PHLDB1: variants seen among roughly 807,000 people sequenced by gnomAD.
PHLDB1 encodes the protein pleckstrin homology-like domain family B member 1.
PHLDB1 carries 65 observed loss-of-function variants against 139.3 expected under a neutral mutation model. The ratio of observed to expected loss-of-function variants is 0.47; its 90% CI spans 0.38 to 0.57. The LOEUF is 0.57. PHLDB1 is among the 20% of genes least tolerant of loss of function. The pLI is 0.00. For synonymous variants in PHLDB1, 679 were observed against 734.5 expected, an observed-to-expected ratio of 0.92 and a Z score of 1.22; for missense variants, 1,624 against 1,839.7, an observed-to-expected ratio of 0.88 and a Z score of 2.14.
At chr11:118,637,011 C>G (rs549202519) in intron 10 of PHLDB1, 3 of 152,218 alleles carry the variant, frequency 2.0e-5, no homozygotes, top group Non-Finnish European at 4.4e-5. Flanking sequence ...CTTTCATCCT[C>G]AGACCCTAGT....
At chr11:118,617,914 G>A (rs577526488) in intron 4 of PHLDB1, among the ~76,000 whole-genome samples, 44 of 152,086 alleles carry the variant, frequency 2.9e-4, no homozygotes, top group African/African-American at 1.0e-3. Flanking sequence ...GGAGAGGCAG[G>A]GCAAAGTTCA....
intron 13 of PHLDB1, among the ~76,000 whole-genome samples, chr11:118,643,283 G>A (rs142673722): frequency 1.8e-3 from 279 of 152,348 alleles, no homozygotes; most frequent in African/African-American, 6.4e-3. Flanking sequence ...ACACAGCTAG[G>A]AAGTAGCAGA....
chr11:118,647,693 C>T (rs1043905856), intron 17 of PHLDB1: 43 of 413,564 alleles, frequency 1.0e-4, no homozygotes, highest in Non-Finnish European at 1.8e-4. Context: ...ATGATTTTAT[C>T]AGGATCACAG....
intron 12 of PHLDB1, 76 bp from the exon 13 acceptor site, chr11:118,642,178 T>G (rs1555121649): frequency 7.4e-7 from 1 of 1,358,284 alleles, no homozygotes; most frequent in South Asian, 1.2e-5. Context: ...TGCCTTTTCC[T>G]TTCCCTTTAT....
At position 118,627,557 on chromosome 11, in the gene PHLDB1, G is replaced by A. The variant is rs1555103280; in HGVS notation, c.734G>A (p.Gly245Asp). 10 of 1,614,008 alleles carry A rather than the reference G, an allele frequency of 6.2e-6. No homozygotes were observed. The highest frequency in any genetic ancestry group is 1.1e-5 in the South Asian group (1 of 91,046). The change falls in exon 6 of 23, where the codon GGC becomes GAC. Residue 245 changes from glycine (G) to aspartate (D), a missense_variant. Gly to Asp is a moderately conservative substitution (Grantham distance 94). Transcript: ENST00000600882. ...ACCAGCCCCGGCGCCATGTCTGTGG[G>A]CTCCAGCTATGAGAACACCTCTCCA... is the stretch of plus-strand genomic sequence containing the variant. ...PPTSPGAMSV[G>D]SSYENTSPAF...
intron 20 of PHLDB1, chr11:118,653,645 TA>T (rs1948638688): frequency 6.6e-6 from 1 of 152,234 alleles, no homozygotes; most frequent in Middle Eastern, 3.2e-3. Context: ...TGTGAGATTG[TA>T]GTTTCCTAAG....
At chr11:118,655,715 G>A (rs1555141324) in intron 21 of PHLDB1, 25 bp downstream of exon 21, 8 of 1,573,754 alleles carry the variant, frequency 5.1e-6, no homozygotes, top group Non-Finnish European at 7.0e-6. Context: ...GCACCAGAGG[G>A]GGGCCAGAGG....
intron 9 of PHLDB1, chr11:118,634,769 T>TC (rs1410334506): frequency 8.6e-6 from 2 of 232,796 alleles, no homozygotes; most frequent in African/African-American, 4.7e-5. Context: ...AGCCTTTTTT[T>TC]CTCCTCTCTC....
rs1940268793 is a variant in PHLDB1 at position 118,611,379 on chromosome 11, C to T, written c.-21-2437C>T. Reference sequence around the variant, plus strand: ...CTTATTCTCTTCTCTCCTCTAATCACTCTTGTTCTCCATCGGCCTTACTCC... The same window carrying T: ...CTTATTCTCTTCTCTCCTCTAATCATTCTTGTTCTCCATCGGCCTTACTCC... On this transcript the variant is annotated intron_variant, in intron 1 of 22. Transcript: ENST00000600882. This position sits in a 1 kb window ranked among gnomAD's most constrained non-coding sequence, Gnocchi z 4.7. 6.6e-6 allele frequency among the ~76,000 whole-genome samples: 1 copy of T among 152,232 alleles called. No individual in the cohort carries two copies. Among genetic ancestry groups the T allele is most frequent in the African/African-American group, 2.4e-5 (1 of 41,468 alleles).
rs782304860 is a variant in PHLDB1 at position 118,631,995 on chromosome 11, A to G, written c.2183A>G (p.Glu728Gly). Residue 728 changes from glutamate (E) to glycine (G), a missense_variant, in exon 8 of 23, where the codon GAG (glutamate) becomes GGG (glycine). Glu to Gly is a moderately conservative substitution (Grantham distance 98). Transcript: ENST00000600882. ...CGGGCTCAGGTGCTGGGGCACGTGG[A>G]GCAGCTCAAGGTCCGTGTGAAGGAG... is the stretch of plus-strand genomic sequence containing the variant. ...EERAQVLGHV[E>G]QLKVRVKELE... 11 of 1,614,008 alleles carry G rather than the reference A, an allele frequency of 6.8e-6. No homozygotes were observed. In the East Asian group the frequency reaches 2.2e-4, roughly 33 times the overall value.
chr11:118,631,156 C>A, intron 6 of PHLDB1, 51 bp from the exon 7 acceptor site: 1 of 1,369,996 alleles, frequency 7.3e-7, no homozygotes, highest in African/African-American at 1.5e-5. Context: ...TCTATCCCCA[C>A]CAGGGCTCAG....
intron 22 of PHLDB1, among the ~76,000 whole-genome samples, chr11:118,656,373 C>T (rs562489345): frequency 1.3e-5 from 2 of 152,134 alleles, no homozygotes; most frequent in African/African-American, 2.4e-5. Flanking sequence ...ACTGGAAAAG[C>T]CTTTGTGTTT....
At position 118,608,539 on chromosome 11, in the gene PHLDB1, C is replaced by T. The variant is rs1555080791; in HGVS notation, c.-22+840C>T. Reference sequence around the variant, plus strand: ...GGACTTGGCCGGGCGACCGCACAGCCCTGCCGGGGACCCACGGCTCTGGGG... The same window carrying T: ...GGACTTGGCCGGGCGACCGCACAGCTCTGCCGGGGACCCACGGCTCTGGGG... On this transcript the variant is annotated intron_variant, in intron 1 of 22. Coordinates refer to ENST00000600882, the MANE Select transcript of PHLDB1 (RefSeq NM_001144758.3). This position sits in a 1 kb window ranked among gnomAD's most constrained non-coding sequence, Gnocchi z 6.7. Among the ~76,000 whole-genome samples, 1 of 152,140 alleles carries T rather than the reference C, an allele frequency of 6.6e-6. No individual in the cohort carries two copies. The highest frequency in any genetic ancestry group is 1.5e-5 in the Non-Finnish European group (1 of 67,988).
rs1360162014 is a variant in PHLDB1 at position 118,650,893 on chromosome 11, A to G, written c.3874+346A>G. 7 of 305,552 alleles carry G rather than the reference A, an allele frequency of 2.3e-5. No individual in the cohort carries two copies. Among genetic ancestry groups the G allele is most frequent in the Admixed American group, 9.3e-5 (2 of 21,568 alleles). The allele number at this position is 305,552 out of a possible 1,614,324, so 18.9% of individuals were successfully genotyped here. A position where few individuals can be genotyped will look rare whatever the true frequency, so the allele number is the denominator to read the frequency against. The stretch of plus-strand genomic sequence containing the variant: ...CACGCACAATGGGTATGCTGATAGG[A>G]GACATCCAGGCACTGCAGGAGCATG... On this transcript the variant is annotated intron_variant, in intron 20 of 22. Transcript: ENST00000600882. The surrounding 1 kb of genome is among the most constrained non-coding windows in gnomAD (Gnocchi z 4.7).
rs1940078944 is a variant in PHLDB1, at chr11:118,610,861, G to T, written c.-21-2955G>T. Among the ~76,000 whole-genome samples, 1 of 152,220 alleles carries T rather than the reference G, an allele frequency of 6.6e-6. No homozygotes were observed. Among genetic ancestry groups the T allele is most frequent in the Non-Finnish European group, 1.5e-5 (1 of 68,018 alleles). ...GGTCACCTGCCGGCGCCCCGGCCTT[G>T]CGCACAGAGGGCCTTGCCTGTCGCT... On this transcript the variant is annotated intron_variant, in intron 1 of 22. Coordinates refer to ENST00000600882, the MANE Select transcript of PHLDB1 (RefSeq NM_001144758.3). This position sits in a 1 kb window ranked among gnomAD's most constrained non-coding sequence, Gnocchi z 8.7.
In PHLDB1 at chr11:118,616,147, C is replaced by T; in HGVS notation, c.291C>T (p.Tyr97=). The change falls in exon 4 of 23, where the codon TAC becomes TAT. Residue 97 remains tyrosine, a synonymous_variant. Coordinates refer to ENST00000600882, the MANE Select transcript of PHLDB1 (RefSeq NM_001144758.3). The part of the protein sequence containing the change: ...IENLRGTLTL[Y]PCGNACTIDG... The stretch of plus-strand genomic sequence containing the variant: ...ACCTGCGGGGCACCCTCACCCTCTA[C>T]CCCTGTGGCAATGCCTGCACTATTG... 3 of 1,614,110 alleles carry T rather than the reference C, an allele frequency of 1.9e-6. No individual in the cohort carries two copies. The highest frequency in any genetic ancestry group is 2.5e-6 in the Non-Finnish European group (3 of 1,179,984).
rs781881119 is a variant in PHLDB1 at position 118,645,383 on chromosome 11, G to A, written c.3149G>A (p.Arg1050Gln). ...CAACAAGTGATTGAAGAGCAGCGGC[G>A]GCGACTGGCTGAGCTGAAGCAGAAA... ...KGQQVIEEQR[R>Q]RLAELKQKAA... Residue 1050 changes from arginine (R) to glutamine (Q), a missense_variant, in exon 16 of 23, where the codon CGG (arginine) becomes CAG (glutamine). By Grantham distance (43) the Arg-to-Gln change is conservative. Transcript: ENST00000600882. The surrounding 1 kb of genome is among the most constrained non-coding windows in gnomAD (Gnocchi z 5.1). 1.4e-5 allele frequency: 22 copies of A among 1,519,940 alleles called. No individual in the cohort carries two copies. The highest frequency in any genetic ancestry group is 1.8e-4 in the Middle Eastern group (1 of 5,634). 94.2% of individuals were successfully genotyped at this position (1,519,940 alleles called of 1,614,324 possible).
chr11:118,634,769 T>C (rs1038077082), intron 9 of PHLDB1: 12 of 232,796 alleles, frequency 5.2e-5, no homozygotes, highest in African/African-American at 1.9e-4. Flanking sequence ...AGCCTTTTTT[T>C]CTCCTCTCTC....
At position 118,620,690 on chromosome 11, in the gene PHLDB1, G is replaced by A. The variant is rs185871299; in HGVS notation, c.356-4244G>A. Among the ~76,000 whole-genome samples, 7 of 152,262 alleles carry A rather than the reference G, an allele frequency of 4.6e-5. No homozygotes were observed. The highest frequency in any genetic ancestry group is 1.3e-4 in the Admixed American group (2 of 15,298). On this transcript the variant is annotated intron_variant, in intron 4 of 22. Coordinates refer to ENST00000600882, the MANE Select transcript of PHLDB1 (RefSeq NM_001144758.3). The surrounding 1 kb of genome is among the most constrained non-coding windows in gnomAD (Gnocchi z 4.1). ...CAGGGGCCCAGGAAGTGGGCTGGCC[G>A]GAAAGGGCAGTGCCTTGGTCCACTC...
Sources: allele counts gnomAD v4.1 joint callset (sites outside exome capture counted in the v4.1 genomes callset), GRCh38; gene constraint gnomAD v4.1.1; non-coding constraint Gnocchi (gnomAD v3.1); transcripts MANE v1.5; gene names NCBI Gene and HGNC (gene_info 2026-07-23, HGNC 2026-07-21).